CDHR3: variants seen among roughly 807,000 people sequenced by gnomAD.
The protein encoded by CDHR3 is cadherin-related family member 3.
CDHR3 carries 79 observed loss-of-function variants against 86.6 expected under a neutral mutation model. The observed-to-expected ratio is 0.91, with a 90% CI of 0.76 to 1.10. The LOEUF is 1.10. Ranked by LOEUF, CDHR3 falls within the 50% of genes least tolerant of loss-of-function variation. The pLI, the probability that CDHR3 is intolerant of heterozygous loss-of-function variation, is 0.00. For synonymous variants in CDHR3, 421 were observed against 402.4 expected (o/e 1.05, Z -0.55); for missense variants, 1,081 against 1,077.6 (o/e 1.00, Z -0.04).
At position 106,035,796 on chromosome 7, in the gene CDHR3, C is replaced by T. The variant is rs117616331; in HGVS notation, c.*3099C>T. ...CATCTGATTGGTTGCAAAAAGCAAC[C>T]AATCAGAGGCTAAGGTGAAGTTACA... is the stretch of plus-strand genomic sequence containing the variant. On this transcript the variant is annotated 3_prime_UTR_variant, in exon 19 of 19. Coordinates refer to ENST00000317716, the MANE Select transcript of CDHR3 (RefSeq NM_152750.5). 4,250 of 152,192 alleles carry T rather than the reference C, an allele frequency of 0.028. 109 individuals are homozygous for T. The highest frequency in any genetic ancestry group is 0.071 in the African/African-American group (2,945 of 41,510). 9.4% of individuals were successfully genotyped at this position (152,192 alleles called of 1,614,324 possible).
chr7:105,984,700 A>T (rs945710733), intron 4 of CDHR3, among the ~76,000 whole-genome samples: 2 of 152,188 alleles, frequency 1.3e-5, no homozygotes, highest in South Asian at 4.1e-4. Flanking sequence ...TTTTAAAAGC[A>T]TAAAATGTAC....
intron 12 of CDHR3, among the ~76,000 whole-genome samples, chr7:106,019,307 G>A (rs965681129): frequency 6.6e-6 from 1 of 152,066 alleles, no homozygotes; most frequent in Non-Finnish European, 1.5e-5. Flanking sequence ...TTGAATTAAT[G>A]GGATGATGTT....
intron 9 of CDHR3, among the ~76,000 whole-genome samples, chr7:106,014,019 G>A (rs973592706): frequency 2.6e-5 from 4 of 152,098 alleles, no homozygotes; most frequent in African/African-American, 9.7e-5. Flanking sequence ...GGAGTGCAGT[G>A]GTTCAATCAT....
intron 4 of CDHR3, 92 bp from the exon 5 acceptor site, chr7:105,994,659 A>G (rs1718805160): frequency 7.9e-6 from 7 of 880,824 alleles, no homozygotes; most frequent in South Asian, 1.4e-5. Flanking sequence ...TCCATGGGCT[A>G]AGAACATAAA....
chr7:105,981,112 T>A lies in CDHR3; in HGVS notation c.394T>A (p.Phe132Ile). The A allele has an allele frequency of 6.2e-7, 1 of 1,613,504 alleles. No individual in the cohort carries two copies. Among genetic ancestry groups the A allele is most frequent in the South Asian group, 1.1e-5 (1 of 90,888 alleles). Residue 132 changes from phenylalanine to isoleucine, a missense_variant, in exon 3 of 19, where the codon TTT becomes ATT. Physicochemically the swap from Phe to Ile is conservative, Grantham distance 21. Transcript: ENST00000317716. ...AACAGATGTGAACGAGCCACCTCAG[T>A]TTCAAGGCAACTTGGCAGAAGGTAG... Reference protein sequence around the residue: ...QVTDVNEPPQFQGNLAEGLHL... With the variant: ...QVTDVNEPPQIQGNLAEGLHL...
chr7:106,023,527 C>T (rs1279826684), intron 14 of CDHR3, among the ~76,000 whole-genome samples: 1 of 152,152 alleles, frequency 6.6e-6, no homozygotes, highest in African/African-American at 2.4e-5. Flanking sequence ...ACTCATCTGT[C>T]CCCTTTCTTC....
chr7:106,022,330 C>T lies in CDHR3; in HGVS notation c.1958C>T (p.Thr653Ile), dbSNP rs1201687322. The T allele has an allele frequency of 3.7e-6, 6 of 1,614,028 alleles. No individual in the cohort carries two copies. The highest frequency in any genetic ancestry group is 5.1e-6 in the Non-Finnish European group (6 of 1,179,904). The change falls in exon 14 of 19, where the codon ACT becomes ATT. Residue 653 changes from threonine (T) to isoleucine (I), a missense_variant. Transcript: ENST00000317716. ...IWDYKLLVYV[T>I]DDNLMSDRKK... is the part of the protein sequence containing the mutation. ...GACTACAAGCTACTTGTCTACGTAA[C>T]TGATGACAACTTGATGTCTGACAGG...
At chr7:106,028,936 CTTTCTT>C (rs748844778) in intron 17 of CDHR3, among the ~76,000 whole-genome samples, 51 of 102,658 alleles carry the variant, frequency 5.0e-4, no homozygotes, top group Middle Eastern at 5.3e-3. Context: ...TTCTTTCTTT[CTTTCTT>C]TCTTTCTTTC....
intron 5 of CDHR3, among the ~76,000 whole-genome samples, chr7:105,995,393 G>A (rs1470912925): frequency 6.6e-6 from 1 of 150,750 alleles, no homozygotes; most frequent in African/African-American, 2.5e-5. Context: ...GAGAAAAGAG[G>A]TTAATAAACC....
intron 12 of CDHR3, 63 bp from the exon 13 acceptor site, chr7:106,020,310 T>C (rs1272464363): frequency 7.0e-7 from 1 of 1,432,858 alleles, no homozygotes; most frequent in Non-Finnish European, 9.4e-7. Flanking sequence ...GAAAACTGCC[T>C]ACACACAGTA....
chr7:106,020,676 A>G (rs1268267741), intron 13 of CDHR3, 132 bp downstream of exon 13: 20 of 1,003,464 alleles, frequency 2.0e-5, no homozygotes, highest in Non-Finnish European at 4.3e-6. Context: ...TTTTTTTGAG[A>G]TAGGGTCTTG....
At chr7:106,011,026 TCAGAGCCCAG>T (rs1834719795) in intron 8 of CDHR3, among the ~76,000 whole-genome samples, 1 of 152,208 alleles carries the variant, frequency 6.6e-6, no homozygotes, top group Non-Finnish European at 1.5e-5. Flanking sequence ...GTGATGGATT[TCAGAGCCCAG>T]CAGCTGAGGC....
intron 7 of CDHR3, among the ~76,000 whole-genome samples, chr7:106,003,205 CTG>C (rs1479272959): frequency 6.6e-6 from 1 of 150,790 alleles, no homozygotes; most frequent in Admixed American, 6.6e-5. Flanking sequence ...TCTTGGAAGA[CTG>C]TTGTATGTTT....
chr7:105,996,269 G>A lies in CDHR3; in HGVS notation c.628G>A (p.Val210Met), dbSNP rs771109526. 25 of 1,591,926 alleles carry A rather than the reference G, an allele frequency of 1.6e-5. No homozygotes were observed. The highest frequency in any genetic ancestry group is 2.1e-5 in the Non-Finnish European group (24 of 1,161,414). ...TGGCAGTTTCCATCTCATCGTGGAG[G>A]TGAGGGACAGTGGAGGCCTCAAAGC... ...GHRSFHLIVEVRDSGGLKAST... is the reference protein window; with the variant it reads ...GHRSFHLIVEMRDSGGLKAST... Residue 210 changes from valine (V) to methionine (M), a missense_variant, in exon 6 of 19, where the codon GTG becomes ATG. By Grantham distance (21) the Val-to-Met change is conservative. Coordinates refer to ENST00000317716, the MANE Select transcript of CDHR3 (RefSeq NM_152750.5).
At chr7:106,031,207 C>G (rs1002749173) in intron 18 of CDHR3, among the ~76,000 whole-genome samples, 2 of 152,168 alleles carry the variant, frequency 1.3e-5, no homozygotes, top group Admixed American at 6.5e-5. Flanking sequence ...ATTGCCCCCC[C>G]CAGCCCATCC....
At chr7:105,989,507 A>T (rs1278700864) in intron 4 of CDHR3, among the ~76,000 whole-genome samples, 3 of 152,108 alleles carry the variant, frequency 2.0e-5, no homozygotes, top group Non-Finnish European at 4.4e-5. Context: ...GGATTAAATT[A>T]AGAGAGCAAT....
chr7:106,016,122 A>C lies in CDHR3; in HGVS notation c.1426+97A>C. ...GAAAACTCCCTTCTGGAGGCCTCGC[A>C]TGCTGTTTTGCACAGTGATTCACAG... On this transcript the variant is annotated intron_variant, in intron 11 of 18. Transcript: ENST00000317716. 5.4e-6 allele frequency: 4 copies of C among 736,166 alleles called. No individual in the cohort carries two copies. The South Asian group carries it at 6.5e-5, about 12-fold the overall frequency. The allele number at this position is 736,166 out of a possible 1,614,324, so 45.6% of individuals were successfully genotyped here. A position where few individuals can be genotyped will look rare whatever the true frequency, so the allele number is the denominator to read the frequency against.
chr7:105,987,282 G>A (rs1830660600), intron 4 of CDHR3, among the ~76,000 whole-genome samples: 2 of 152,186 alleles, frequency 1.3e-5, no homozygotes, highest in African/African-American at 4.8e-5. Flanking sequence ...AGTTGTTTGG[G>A]GAGGGGGTAC....
intron 1 of CDHR3, among the ~76,000 whole-genome samples, chr7:105,967,741 C>A (rs1224164077): frequency 6.6e-6 from 1 of 152,210 alleles, no homozygotes; most frequent in Non-Finnish European, 1.5e-5. Context: ...CTGTTGGCTG[C>A]ATAAATGTCT....
Sources: allele counts gnomAD v4.1 joint callset (sites outside exome capture counted in the v4.1 genomes callset), GRCh38; gene constraint gnomAD v4.1.1; transcripts MANE v1.5; gene names NCBI Gene and HGNC (gene_info 2026-07-23, HGNC 2026-07-21).